Variants in CENPP observed in about 807,000 individuals in gnomAD.
CENPP encodes centromere protein P.
Under a neutral mutation model 35.6 loss-of-function variants are expected in CENPP, and 24 were observed. That is an observed-to-expected ratio of 0.67 (90% CI 0.49 to 0.95). The LOEUF is 0.95. CENPP is among the 40% of genes least tolerant of loss of function. The pLI, the probability that CENPP is intolerant of heterozygous loss-of-function variation, is 0.00. For synonymous variants in CENPP, 120 were observed against 125.5 expected (o/e 0.96, Z 0.29); for missense variants, 332 against 345.3 (o/e 0.96, Z 0.31).
At chr9:92,486,746 T>G (rs557052580) in intron 5 of CENPP, among the ~76,000 whole-genome samples, 1 of 152,268 alleles carries the variant, frequency 6.6e-6, no homozygotes, top group South Asian at 2.1e-4. Context: ...AATGAAGGAC[T>G]TATACAATTT....
chr9:92,620,510 T>TAAAC lies in CENPP; in HGVS notation c.*7363_*7366dup, dbSNP rs966388438. The TAAAC allele has an allele frequency of 1.3e-5, 2 of 152,194 alleles. No homozygotes were observed. Among genetic ancestry groups the TAAAC allele is most frequent in the Admixed American group, 1.3e-4 (2 of 15,278 alleles). 9.4% of individuals were successfully genotyped at this position (152,194 alleles called of 1,614,324 possible). On this transcript the variant is annotated 3_prime_UTR_variant, in exon 8 of 8. Transcript: ENST00000375587. The stretch of plus-strand genomic sequence containing the variant: ...GGCATAGCTCTCGCTTTCACAAAAA[T>TAAAC]AAACAGTTGTAAAAGAAAAGGAATT...
intron 5 of CENPP, among the ~76,000 whole-genome samples, chr9:92,543,602 C>T (rs1369499416): frequency 3.4e-5 from 5 of 147,170 alleles, no homozygotes; most frequent in Non-Finnish European, 7.4e-5. Flanking sequence ...GTTGAAATTT[C>T]GATAGGAATT....
intron 5 of CENPP, among the ~76,000 whole-genome samples, chr9:92,545,831 A>G (rs10118107): frequency 0.42 from 63,559 of 151,730 alleles, 15,468 homozygotes; most frequent in African/African-American, 0.67. Flanking sequence ...CAATCAGCAC[A>G]CTGTGTCTAG....
intron 5 of CENPP, among the ~76,000 whole-genome samples, chr9:92,488,011 A>G (rs1280593984): frequency 2.0e-5 from 3 of 152,208 alleles, no homozygotes; most frequent in Non-Finnish European, 2.9e-5. Context: ...GATTTTGCCA[A>G]CTGAAGAATA....
intron 5 of CENPP, among the ~76,000 whole-genome samples, chr9:92,552,144 A>T (rs931796020): frequency 7.0e-6 from 1 of 142,670 alleles, no homozygotes; most frequent in South Asian, 2.2e-4. Flanking sequence ...TATATATGTG[A>T]TATGATAGAT....
At chr9:92,419,431 G>A (rs1423643722) in intron 5 of CENPP, among the ~76,000 whole-genome samples, 1 of 151,356 alleles carries the variant, frequency 6.6e-6, no homozygotes, top group Non-Finnish European at 1.5e-5. Flanking sequence ...CTCCCCAGTA[G>A]CTGGGATTAC....
At chr9:92,460,576 A>G in intron 5 of CENPP, 2 of 1,456,836 alleles carry the variant, frequency 1.4e-6, no homozygotes, top group Non-Finnish European at 9.6e-7. Context: ...GCCTAATAAG[A>G]AGAGAAATAT....
intron 5 of CENPP, chr9:92,515,313 G>T: frequency 7.8e-7 from 1 of 1,285,276 alleles, no homozygotes; most frequent in Non-Finnish European, 9.9e-7. Flanking sequence ...AAGTATTTGA[G>T]TGCAATTTAA....
At chr9:92,479,450 T>C (rs1357374407) in intron 5 of CENPP, among the ~76,000 whole-genome samples, 1 of 152,184 alleles carries the variant, frequency 6.6e-6, no homozygotes, top group Non-Finnish European at 1.5e-5. Flanking sequence ...TTTTATATAG[T>C]AGTTAGGCCC....
chr9:92,369,368 A>C (rs539188590), intron 4 of CENPP, among the ~76,000 whole-genome samples: 12 of 152,176 alleles, frequency 7.9e-5, no homozygotes, highest in African/African-American at 2.9e-4. Context: ...TCCCTAGTTA[A>C]CTCTCTTGTA....
At chr9:92,522,456 T>C (rs922157473) in intron 5 of CENPP, 2 of 1,128,144 alleles carry the variant, frequency 1.8e-6, no homozygotes, top group Middle Eastern at 2.1e-4. Flanking sequence ...ACCTGGATTT[T>C]TCTTTAGAAA....
intron 5 of CENPP, among the ~76,000 whole-genome samples, chr9:92,603,757 G>A (rs1182557874): frequency 1.3e-5 from 2 of 152,118 alleles, no homozygotes; most frequent in Non-Finnish European, 2.9e-5. Flanking sequence ...GCACATCCAC[G>A]TCACTCCAGT....
At chr9:92,532,571 CTGATCTTCCAGTTCAT>C in intron 5 of CENPP, among the ~76,000 whole-genome samples, 1 of 152,232 alleles carries the variant, frequency 6.6e-6, no homozygotes, top group South Asian at 2.1e-4. Context: ...ATTCTCTGAA[CTGATCTTCCAGTTCAT>C]TGATACTCTC....
chr9:92,373,889 T>C (rs924516701), intron 4 of CENPP, among the ~76,000 whole-genome samples: 1 of 152,172 alleles, frequency 6.6e-6, no homozygotes, highest in African/African-American at 2.4e-5. Context: ...TTTTTGACTG[T>C]CTATTGCTAA....
At chr9:92,359,189 TC>T (rs1841673973) in intron 4 of CENPP, among the ~76,000 whole-genome samples, 1 of 152,096 alleles carries the variant, frequency 6.6e-6, no homozygotes, top group South Asian at 2.1e-4. Context: ...CCTCAGGTGA[TC>T]CGCCTGCCTT....
At chr9:92,457,216 A>G (rs577499813) in intron 5 of CENPP, 1 of 1,548,272 alleles carries the variant, frequency 6.5e-7, no homozygotes, top group African/African-American at 1.4e-5. Context: ...ACCATTATTA[A>G]TAGAGTTCAA....
At chr9:92,561,598 T>C (rs1410209759) in intron 5 of CENPP, among the ~76,000 whole-genome samples, 1 of 152,244 alleles carries the variant, frequency 6.6e-6, no homozygotes, top group African/African-American at 2.4e-5. Context: ...TAATTTGTCT[T>C]CATAAAAACT....
At chr9:92,438,819 G>A (rs1261875390) in intron 5 of CENPP, among the ~76,000 whole-genome samples, 2 of 152,208 alleles carry the variant, frequency 1.3e-5, no homozygotes, top group Non-Finnish European at 2.9e-5. Context: ...CAGGCATGGT[G>A]GCATGTGCCT....
At chr9:92,401,733 C>T (rs1447854970) in intron 5 of CENPP, among the ~76,000 whole-genome samples, 1 of 152,166 alleles carries the variant, frequency 6.6e-6, no homozygotes, top group Non-Finnish European at 1.5e-5. Flanking sequence ...GCTTACCTTA[C>T]CTACCCTGCT....
Sources: allele counts gnomAD v4.1 joint callset (sites outside exome capture counted in the v4.1 genomes callset), GRCh38; gene constraint gnomAD v4.1.1; transcripts MANE v1.5; gene names NCBI Gene and HGNC (gene_info 2026-07-23, HGNC 2026-07-21).